Variants in ARHGAP22 observed in about 807,000 individuals in gnomAD.
The protein encoded by ARHGAP22 is Rho GTPase activating protein 22, also known as rho GTPase-activating protein 22.
Under a neutral mutation model 59.1 loss-of-function variants are expected in ARHGAP22, and 48 were observed. The ratio of observed to expected loss-of-function variants is 0.81; its 90% CI spans 0.64 to 1.03. ARHGAP22 has a LOEUF of 1.03. Ranked by LOEUF, ARHGAP22 falls within the 50% of genes least tolerant of loss-of-function variation. The pLI is 0.00. For synonymous variants in ARHGAP22, 445 were observed against 416.4 expected, an observed-to-expected ratio of 1.07 and a Z score of -0.84; for missense variants, 1,015 against 958.7, an observed-to-expected ratio of 1.06 and a Z score of -0.78.
downstream of ARHGAP22, among the ~76,000 whole-genome samples, chr10:48,441,513 G>A (rs1179709444): frequency 6.7e-6 from 1 of 149,186 alleles, no homozygotes; most frequent in Non-Finnish European, 1.5e-5. Flanking sequence ...GTGCAGTGAC[G>A]TGATCTCCGC....
intron 1 of ARHGAP22, among the ~76,000 whole-genome samples, chr10:48,587,724 T>C (rs530900156): frequency 2.2e-4 from 33 of 152,282 alleles, no homozygotes; most frequent in African/African-American, 7.9e-4. Context: ...GTTCTAGAGC[T>C]ACATCCCTGA....
At chr10:48,498,238 G>A (rs888818662) in intron 3 of ARHGAP22, among the ~76,000 whole-genome samples, 6 of 151,998 alleles carry the variant, frequency 3.9e-5, no homozygotes, top group Non-Finnish European at 8.8e-5. Context: ...ACCTACTCTC[G>A]CATCCCTGCA....
At chr10:48,543,576 G>A (rs2056165438) in intron 3 of ARHGAP22, among the ~76,000 whole-genome samples, 2 of 152,176 alleles carry the variant, frequency 1.3e-5, no homozygotes, top group Non-Finnish European at 2.9e-5. Context: ...CTGTCAGTGA[G>A]TAGTTCTCAG....
At chr10:48,627,539 C>T (rs2061493243) in intron 1 of ARHGAP22, among the ~76,000 whole-genome samples, 1 of 152,212 alleles carries the variant, frequency 6.6e-6, no homozygotes, top group Non-Finnish European at 1.5e-5. Flanking sequence ...CAGGGCCTGT[C>T]CCATTCCCAT....
At chr10:48,637,203 C>A (rs1353381255) in intron 1 of ARHGAP22, among the ~76,000 whole-genome samples, 1 of 152,154 alleles carries the variant, frequency 6.6e-6, no homozygotes, top group African/African-American at 2.4e-5. Context: ...GAGACAGGCT[C>A]CAACTATTGT....
upstream of ARHGAP22, among the ~76,000 whole-genome samples, chr10:48,655,165 TC>T (rs1476588171): frequency 1.7e-4 from 23 of 133,036 alleles, no homozygotes; most frequent in African/African-American, 6.3e-4. Context: ...CTCAGGCCCC[TC>T]CCACGAACTG....
intron 1 of ARHGAP22, among the ~76,000 whole-genome samples, chr10:48,601,191 C>T (rs2060359057): frequency 6.6e-6 from 1 of 152,224 alleles, no homozygotes; most frequent in Admixed American, 6.5e-5. Flanking sequence ...GCCAAGGGCA[C>T]ATCCTGGGAG....
At chr10:48,576,139 C>T (rs2058699611) in intron 2 of ARHGAP22, among the ~76,000 whole-genome samples, 1 of 152,236 alleles carries the variant, frequency 6.6e-6, no homozygotes, top group South Asian at 2.1e-4. Flanking sequence ...ATCCTATGCC[C>T]TACGTCAGAG....
At chr10:48,454,660 G>A (rs1395611356) in intron 6 of ARHGAP22, among the ~76,000 whole-genome samples, 4 of 152,214 alleles carry the variant, frequency 2.6e-5, no homozygotes, top group Non-Finnish European at 5.9e-5. Context: ...AGCCTGTGAC[G>A]GGCCTGAGTG....
intron 3 of ARHGAP22, among the ~76,000 whole-genome samples, chr10:48,498,561 C>T (rs1589766255): frequency 1.3e-5 from 2 of 152,206 alleles, no homozygotes; most frequent in Admixed American, 1.3e-4. Flanking sequence ...CTCTGCCCGG[C>T]CCCCTGCCCT....
At chr10:48,570,955 C>T (rs1414495600) in intron 2 of ARHGAP22, among the ~76,000 whole-genome samples, 1 of 152,250 alleles carries the variant, frequency 6.6e-6, no homozygotes, top group South Asian at 2.1e-4. Flanking sequence ...ACCTCCAGAG[C>T]ATGCCTGCTT....
intron 3 of ARHGAP22, among the ~76,000 whole-genome samples, chr10:48,499,273 G>A (rs2051268430): frequency 6.6e-6 from 1 of 152,242 alleles, no homozygotes; most frequent in South Asian, 2.1e-4. Context: ...GGTACAGATG[G>A]CGTGAGAGCC....
chr10:48,491,816 T>C (rs2050422473), intron 3 of ARHGAP22, among the ~76,000 whole-genome samples: 1 of 152,220 alleles, frequency 6.6e-6, no homozygotes, highest in Non-Finnish European at 1.5e-5. Flanking sequence ...CAGAAATGTT[T>C]AGAAACAGCC....
chr10:48,491,863 G>A (rs2050426857), intron 3 of ARHGAP22, among the ~76,000 whole-genome samples: 1 of 152,212 alleles, frequency 6.6e-6, no homozygotes, highest in Admixed American at 6.5e-5. Flanking sequence ...TATGTACCAG[G>A]GAACTATGAC....
At chr10:48,625,028 C>T (rs1460428868) in intron 1 of ARHGAP22, 6 of 152,114 alleles carry the variant, frequency 3.9e-5, no homozygotes, top group African/African-American at 1.2e-4. Flanking sequence ...TCTGCAGAGT[C>T]GTGTGCAGTA....
intron 7 of ARHGAP22, among the ~76,000 whole-genome samples, 185 bp from the exon 8 acceptor site, chr10:48,453,610 A>G (rs1331178902): frequency 6.6e-6 from 1 of 152,226 alleles, no homozygotes; most frequent in African/African-American, 2.4e-5. Flanking sequence ...CAAGAGGGCC[A>G]TCAGAAGTAA....
chr10:48,609,484 G>A (rs2060798566), upstream of ARHGAP22, among the ~76,000 whole-genome samples: 1 of 152,136 alleles, frequency 6.6e-6, no homozygotes, highest in Non-Finnish European at 1.5e-5. Context: ...CTGCAGTCTG[G>A]GGCTCTGAAT....
chr10:48,546,525 C>A, intron 3 of ARHGAP22: 1 of 157,728 alleles, frequency 6.3e-6, no homozygotes. Context: ...GCACAGATTC[C>A]ATCCAATTCC....
At chr10:48,628,180 C>T (rs933057056) in intron 1 of ARHGAP22, among the ~76,000 whole-genome samples, 3 of 152,316 alleles carry the variant, frequency 2.0e-5, no homozygotes, top group African/African-American at 4.8e-5. Context: ...TCTGCACTCA[C>T]GCAGTCTCAG....
Sources: gnomAD v4.1 joint callset for allele counts (sites outside exome capture counted in the v4.1 genomes callset) on GRCh38, gnomAD v4.1.1 for gene constraint, MANE v1.5 for transcripts, NCBI Gene and HGNC (gene_info 2026-07-23, HGNC 2026-07-21) for gene names.